The following PIGF variants were observed in gnomAD, a reference collection of about 807,000 sequenced individuals.
PIGF encodes the protein phosphatidylinositol glycan anchor biosynthesis class F.
PIGF carries 23 observed loss-of-function variants against 26.0 expected under a neutral mutation model. The ratio of observed to expected loss-of-function variants is 0.88; its 90% confidence interval spans 0.64 to 1.25. The LOEUF (loss-of-function observed/expected upper bound fraction) is 1.25, where lower values mean the gene tolerates loss of function less well. PIGF is among the 50% of genes most tolerant of loss of function. The pLI is 0.00. For synonymous variants in PIGF, 93 were observed against 92.6 expected (o/e 1.00, Z -0.03); for missense variants, 278 against 249.9 (o/e 1.11, Z -0.76).
Position 46,616,991 on chromosome 2 carries a change from G to C in PIGF, c.-43C>G. On this transcript the variant is annotated 5_prime_UTR_variant, in exon 1 of 6. Coordinates refer to ENST00000281382, the MANE Select transcript of PIGF (RefSeq NM_002643.4). Reference sequence around the variant, plus strand: ...TTACCTAACTCTCCCTCCCGCGGAAGGGAAGCGGGGAACTACTGCCTCCTA... The same window carrying C: ...TTACCTAACTCTCCCTCCCGCGGAACGGAAGCGGGGAACTACTGCCTCCTA... 1.8e-6 allele frequency: 1 copy of C among 548,856 alleles called. No individual in the cohort carries two copies. Among genetic ancestry groups the C allele is most frequent in the Non-Finnish European group, 3.2e-6 (1 of 308,140 alleles). The allele number at this position is 548,856 out of a possible 1,614,324, so 34.0% of individuals were successfully genotyped here. A position where few individuals can be genotyped will look rare whatever the true frequency, so the allele number is the denominator to read the frequency against.
intron 5 of PIGF, among the ~76,000 whole-genome samples, chr2:46,583,714 A>G (rs773336938): frequency 7.2e-5 from 11 of 152,220 alleles, no homozygotes; most frequent in Non-Finnish European, 1.5e-4. Context: ...AGGCTTCAAT[A>G]GAAATTCAGA....
chr2:46,588,254 ATAGATAAATT>A lies in PIGF; in HGVS notation c.546+4211_546+4220del. 6.3e-7 allele frequency: 1 copy of A among 1,575,644 alleles called. No individual in the cohort carries two copies. The highest frequency in any genetic ancestry group is 8.6e-7 in the Non-Finnish European group (1 of 1,163,284). ...ATTGGCATAACTAAATACCAGAGAA[ATAGATAAATT>A]AACAGTCCACTCTACCAACTGAAAG... On this transcript the variant is annotated intron_variant, in intron 5 of 5. Coordinates refer to ENST00000281382, the MANE Select transcript of PIGF (RefSeq NM_002643.4). This position sits in a 1 kb window ranked among gnomAD's most constrained non-coding sequence, Gnocchi z 4.1.
chr2:46,581,990 C>T (rs1669400389), intron 5 of PIGF: 1 of 157,690 alleles, frequency 6.3e-6, no homozygotes, highest in African/African-American at 2.4e-5. Context: ...GTATGCTGAC[C>T]AAACCACAAG....
rs114276704 is a variant in PIGF at position 46,600,938 on chromosome 2, C to T, written c.438-8355G>A. On this transcript the variant is annotated intron_variant, in intron 4 of 5. Coordinates refer to ENST00000281382, the MANE Select transcript of PIGF (RefSeq NM_002643.4). ...ATATATATATAATTAATACAAAATT[C>T]GAAGAACATATAAAATCTGCTAGTT... Among the ~76,000 whole-genome samples, 1,111 of 151,744 alleles carry T rather than the reference C, an allele frequency of 7.3e-3. 12 individuals carry two copies. The highest frequency in any genetic ancestry group is 0.024 in the African/African-American group (995 of 41,450).
intron 5 of PIGF, chr2:46,591,686 A>T: frequency 9.4e-7 from 1 of 1,059,718 alleles, no homozygotes. Flanking sequence ...CTACAAAGTC[A>T]TTAATATTAA....
Position 46,588,062 on chromosome 2 carries a change from G to GA in PIGF, c.546+4412dup, listed in dbSNP as rs758398761. The GA allele has an allele frequency of 7.1e-6, 11 of 1,550,148 alleles. No individual in the cohort carries two copies. In the African/African-American group the frequency reaches 1.2e-4, roughly 17 times the overall value. The stretch of plus-strand genomic sequence containing the variant: ...TTGGACTTTCTAGTGTATAAAATGG[G>GA]AGTAAAACCTACCTTGCACTACGGT... On this transcript the variant is annotated intron_variant, in intron 5 of 5. Transcript: ENST00000281382. This position sits in a 1 kb window ranked among gnomAD's most constrained non-coding sequence, Gnocchi z 4.1.
intron 4 of PIGF, among the ~76,000 whole-genome samples, chr2:46,598,279 CCT>C (rs1447804948): frequency 6.6e-6 from 1 of 151,494 alleles, no homozygotes; most frequent in Non-Finnish European, 1.5e-5. Flanking sequence ...CTCTATTTCC[CCT>C]GAGTTTCTTT....
chr2:46,609,783 G>A (rs868814738), intron 4 of PIGF, among the ~76,000 whole-genome samples: 2 of 151,996 alleles, frequency 1.3e-5, no homozygotes, highest in African/African-American at 4.8e-5. Context: ...TATTAAGATC[G>A]TCATCTTATA....
At chr2:46,591,588 G>C in intron 5 of PIGF, 1 of 947,258 alleles carries the variant, frequency 1.1e-6, no homozygotes, top group East Asian at 1.2e-4. Flanking sequence ...TTTTATCACA[G>C]CAGTGTTTAT....
chr2:46,593,926 C>G (rs1669800156), intron 4 of PIGF, among the ~76,000 whole-genome samples: 1 of 152,242 alleles, frequency 6.6e-6, no homozygotes, highest in African/African-American at 2.4e-5. Flanking sequence ...CATCCTCCAT[C>G]TCATACTCCC....
chr2:46,616,554 C>G (rs1415943856), intron 1 of PIGF: 6 of 153,380 alleles, frequency 3.9e-5, no homozygotes, highest in Non-Finnish European at 8.7e-5. Flanking sequence ...GCAGAAGTGC[C>G]ACGGGCATGA....
intron 4 of PIGF, among the ~76,000 whole-genome samples, chr2:46,599,963 T>A (rs1366668105): frequency 6.6e-6 from 1 of 152,316 alleles, no homozygotes; most frequent in South Asian, 2.1e-4. Context: ...TATTTTCTAA[T>A]AAGTTTTCTG....
chr2:46,611,411 G>T (rs1670410280), intron 4 of PIGF, among the ~76,000 whole-genome samples: 1 of 151,414 alleles, frequency 6.6e-6, no homozygotes, highest in Non-Finnish European at 1.5e-5. Flanking sequence ...TTGAACCTGG[G>T]AGATGGAGGT....
intron 5 of PIGF, chr2:46,582,753 A>G (rs1459243164): frequency 1.3e-5 from 2 of 152,628 alleles, no homozygotes; most frequent in Non-Finnish European, 2.9e-5. Context: ...TTAAATGCTC[A>G]TATCAGTCAC....
intron 4 of PIGF, among the ~76,000 whole-genome samples, chr2:46,601,014 TTC>T (rs1670039068): frequency 6.6e-6 from 1 of 152,022 alleles, no homozygotes; most frequent in East Asian, 1.9e-4. Flanking sequence ...TTCTATATTT[TTC>T]TGTTTGAATT....
Position 46,581,448 on chromosome 2 carries a change from T to C in PIGF, c.*30A>G. The stretch of plus-strand genomic sequence containing the variant: ...ATTTCTGCCCAGCCCTTACAGAATC[T>C]GCACAAAGAAATATCTCCCTTTGCT... On this transcript the variant is annotated 3_prime_UTR_variant, in exon 6 of 6. Transcript: ENST00000281382. 6.2e-7 allele frequency: 1 copy of C among 1,602,786 alleles called. No homozygotes were observed. Among genetic ancestry groups the C allele is most frequent in the Non-Finnish European group, 8.5e-7 (1 of 1,174,806 alleles).
chr2:46,596,044 C>T (rs1669872896), intron 4 of PIGF, among the ~76,000 whole-genome samples: 1 of 151,930 alleles, frequency 6.6e-6, no homozygotes, highest in African/African-American at 2.4e-5. Context: ...GAAACCCCAT[C>T]TCTACTAAAA....
At chr2:46,616,526 C>A (rs79260066) in intron 1 of PIGF, 9,562 of 153,188 alleles carry the variant, frequency 0.062, 344 homozygotes, top group Middle Eastern at 0.12. Flanking sequence ...TAGGCCCTGG[C>A]GTGCCCCCAG....
chr2:46,615,076 A>G lies in PIGF; in HGVS notation c.89T>C (p.Phe30Ser). The change falls in exon 2 of 6, where the codon TTC becomes TCC. Residue 30 changes from phenylalanine (F) to serine (S), a missense_variant. Transcript: ENST00000281382. ...IILSVFIPSL[F>S]LENFSILETH... Reference sequence around the variant, plus strand: ...TTCCAATATTGAGAAGTTCTCCAAGAAGAGTGATGGAATGAAGACACTTAG... The same window carrying G: ...TTCCAATATTGAGAAGTTCTCCAAGGAGAGTGATGGAATGAAGACACTTAG... 4 of 1,593,908 alleles carry G rather than the reference A, an allele frequency of 2.5e-6. No individual in the cohort carries two copies. Among genetic ancestry groups the G allele is most frequent in the Non-Finnish European group, 3.4e-6 (4 of 1,161,616 alleles).
Sources: gnomAD v4.1 joint callset for allele counts (sites outside exome capture counted in the v4.1 genomes callset) on GRCh38, gnomAD v4.1.1 for gene constraint, Gnocchi (gnomAD v3.1) non-coding constraint, MANE v1.5 for transcripts, NCBI Gene and HGNC (gene_info 2026-07-23, HGNC 2026-07-21) for gene names.